Variants in GRM1 observed in about 807,000 individuals in gnomAD.
GRM1 encodes metabotropic glutamate receptor 1.
Under a neutral mutation model 90.9 loss-of-function variants are expected in GRM1, and 33 were observed. That is an observed-to-expected ratio of 0.36 (90% confidence interval 0.28 to 0.49). The LOEUF (loss-of-function observed/expected upper bound fraction) is 0.49, where lower values mean the gene tolerates loss of function less well. Among genes scored for constraint, GRM1 ranks in the 20% least tolerant of loss-of-function variants. The pLI is 0.99. For synonymous variants in GRM1, 700 were observed against 613.2 expected, an observed-to-expected ratio of 1.14 and a Z score of -2.09; for missense variants, 1,190 against 1,534.3, an observed-to-expected ratio of 0.78 and a Z score of 3.75.
At chr6:146,066,646 G>A (rs1035186293) in intron 1 of GRM1, among the ~76,000 whole-genome samples, 48 of 152,142 alleles carry the variant, frequency 3.2e-4, no homozygotes, top group African/African-American at 1.1e-3. Flanking sequence ...TCTCTATGGT[G>A]AATGAACTAA....
intron 2 of GRM1, among the ~76,000 whole-genome samples, chr6:146,211,991 G>C (rs1779701344): frequency 6.6e-6 from 1 of 152,104 alleles, no homozygotes; most frequent in African/African-American, 2.4e-5. Context: ...GACAGGACAG[G>C]GCATCAGGAA....
At chr6:146,119,659 G>A (rs1043018503) in intron 1 of GRM1, among the ~76,000 whole-genome samples, 1 of 152,142 alleles carries the variant, frequency 6.6e-6, no homozygotes, top group African/African-American at 2.4e-5. Context: ...TTCTACATAT[G>A]ATTAGCCAGT....
At chr6:146,076,161 G>A (rs920917639) in intron 1 of GRM1, among the ~76,000 whole-genome samples, 5 of 152,148 alleles carry the variant, frequency 3.3e-5, no homozygotes, top group African/African-American at 9.7e-5. Context: ...ACTTCAGGGA[G>A]CTCATTTATC....
At chr6:146,398,690 G>T (rs978167314) in intron 6 of GRM1, 79 bp from the exon 7 acceptor site, 1 of 940,646 alleles carries the variant, frequency 1.1e-6, no homozygotes. Context: ...AGATGACTGT[G>T]TCTCTGGTAA....
chr6:146,247,934 T>TA (rs1034400169), intron 2 of GRM1, among the ~76,000 whole-genome samples: 1 of 150,658 alleles, frequency 6.6e-6, no homozygotes, highest in Non-Finnish European at 1.5e-5. Context: ...ACATATATGA[T>TA]AAAATCAGCC....
intron 1 of GRM1, among the ~76,000 whole-genome samples, chr6:146,049,578 T>C (rs1791449944): frequency 6.6e-6 from 1 of 151,496 alleles, no homozygotes; most frequent in South Asian, 2.1e-4. Flanking sequence ...TTCTCCAGCT[T>C]GTAGACAAGT....
chr6:146,272,818 A>G (rs1782220193), intron 2 of GRM1, among the ~76,000 whole-genome samples: 1 of 152,144 alleles, frequency 6.6e-6, no homozygotes, highest in South Asian at 2.1e-4. Flanking sequence ...CAGGACAGGG[A>G]GTGAAAAACA....
chr6:146,315,526 G>A (rs1309581534), intron 3 of GRM1, among the ~76,000 whole-genome samples: 2 of 152,168 alleles, frequency 1.3e-5, no homozygotes, highest in Admixed American at 1.3e-4. Flanking sequence ...TTTGAATGAT[G>A]TAAATAAAAA....
intron 2 of GRM1, among the ~76,000 whole-genome samples, chr6:146,278,196 G>A (rs1185887293): frequency 1.3e-5 from 2 of 152,076 alleles, no homozygotes; most frequent in African/African-American, 2.4e-5. Flanking sequence ...TTAAAAACCA[G>A]AAGCTATGTT....
chr6:146,339,447 A>G (rs1784893027), intron 3 of GRM1, among the ~76,000 whole-genome samples: 1 of 152,198 alleles, frequency 6.6e-6, no homozygotes, highest in Non-Finnish European at 1.5e-5. Context: ...AGAGCTCTGA[A>G]TTTGACTAAT....
chr6:146,419,185 A>C (rs1196115480), intron 7 of GRM1, among the ~76,000 whole-genome samples: 1 of 152,222 alleles, frequency 6.6e-6, no homozygotes, highest in Non-Finnish European at 1.5e-5. Context: ...GAACCTAAAC[A>C]TTATCAAAGA....
intron 5 of GRM1, among the ~76,000 whole-genome samples, chr6:146,372,282 A>T (rs2115096283): frequency 6.6e-6 from 1 of 152,122 alleles, no homozygotes; most frequent in Non-Finnish European, 1.5e-5. Context: ...ATCTATTCAA[A>T]TCTTTTGTCC....
chr6:146,358,629 A>T (rs1429316887), intron 5 of GRM1, among the ~76,000 whole-genome samples: 2 of 152,166 alleles, frequency 1.3e-5, no homozygotes, highest in Admixed American at 1.3e-4. Flanking sequence ...AGCTGCAAAA[A>T]CACCCATGGA....
chr6:146,327,412 A>G (rs549599677), intron 3 of GRM1, among the ~76,000 whole-genome samples: 1 of 152,286 alleles, frequency 6.6e-6, no homozygotes, highest in Admixed American at 6.5e-5. Flanking sequence ...CAAATACACC[A>G]GTTGTTTACA....
intron 6 of GRM1, among the ~76,000 whole-genome samples, chr6:146,393,194 T>A (rs1372162903): frequency 6.6e-6 from 1 of 152,192 alleles, no homozygotes; most frequent in Non-Finnish European, 1.5e-5. Context: ...CTCCAGCATC[T>A]GTTGTTTCCT....
At chr6:146,037,550 A>T (rs908679758) in intron 1 of GRM1, among the ~76,000 whole-genome samples, 2 of 151,884 alleles carry the variant, frequency 1.3e-5, no homozygotes, top group Non-Finnish European at 2.9e-5. Context: ...ATTTAGCTCA[A>T]CTGTGTCTTT....
chr6:146,195,994 C>G (rs1779101349), intron 2 of GRM1, among the ~76,000 whole-genome samples: 1 of 152,154 alleles, frequency 6.6e-6, no homozygotes, highest in Non-Finnish European at 1.5e-5. Flanking sequence ...TGTCTACAGT[C>G]TTAGCATTTT....
chr6:146,063,844 A>G (rs954013921), intron 1 of GRM1, among the ~76,000 whole-genome samples: 4 of 152,186 alleles, frequency 2.6e-5, no homozygotes, highest in African/African-American at 7.2e-5. Context: ...TATTAATGGA[A>G]TAGGAGTTCA....
intron 2 of GRM1, among the ~76,000 whole-genome samples, chr6:146,297,435 C>T (rs1783215620): frequency 6.6e-6 from 1 of 152,158 alleles, no homozygotes; most frequent in African/African-American, 2.4e-5. Context: ...GCTGGTATTA[C>T]AGGCATGAGC....
Sources: allele counts gnomAD v4.1 joint callset (sites outside exome capture counted in the v4.1 genomes callset), GRCh38; gene constraint gnomAD v4.1.1; transcripts MANE v1.5; gene names NCBI Gene and HGNC (gene_info 2026-07-23, HGNC 2026-07-21).